Variants in NRP1 observed in about 807,000 individuals in gnomAD.
NRP1 encodes the protein neuropilin 1, also known as neuropilin-1.
In NRP1, 35 loss-of-function variants were observed where a neutral mutation model predicts 106.7. That is an observed-to-expected ratio of 0.33 (90% CI 0.25 to 0.43). NRP1 has a LOEUF of 0.43. NRP1 is among the 20% of genes least tolerant of loss of function. The pLI, the probability that NRP1 is intolerant of heterozygous loss-of-function variation, is 1.00. For missense variants in NRP1, 1,024 were observed against 1,170.4 expected (o/e 0.87, Z 1.83); for synonymous variants, 437 against 417.9 (o/e 1.05, Z -0.56).
intron 2 of NRP1, among the ~76,000 whole-genome samples, chr10:33,279,322 A>G (rs1843939029): frequency 6.6e-6 from 1 of 152,158 alleles, no homozygotes; most frequent in Non-Finnish European, 1.5e-5. Context: ...CTGCAGTCTC[A>G]TCCGAAGCTG....
intron 1 of NRP1, among the ~76,000 whole-genome samples, chr10:33,332,216 G>A (rs558821575): frequency 6.6e-6 from 1 of 152,292 alleles, no homozygotes; most frequent in South Asian, 2.1e-4. Flanking sequence ...TCCTTAGACT[G>A]GGGGTAGTCT....
chr10:33,206,090 A>G (rs1035154640), intron 10 of NRP1: 4 of 434,284 alleles, frequency 9.2e-6, no homozygotes, highest in Non-Finnish European at 1.4e-5. Flanking sequence ...TCTCATTACA[A>G]TTTTTGCAAG....
At chr10:33,203,517 ACT>A (rs1588714131) in intron 10 of NRP1, among the ~76,000 whole-genome samples, 1 of 152,086 alleles carries the variant, frequency 6.6e-6, no homozygotes, top group African/African-American at 2.4e-5. Flanking sequence ...AAACAAAAAA[ACT>A]AAAAAAACAG....
intron 2 of NRP1, among the ~76,000 whole-genome samples, chr10:33,311,137 G>A (rs745719040): frequency 6.6e-6 from 1 of 152,152 alleles, no homozygotes; most frequent in Non-Finnish European, 1.5e-5. Context: ...TGGAGAATAC[G>A]CATATGCTAG....
At chr10:33,330,644 C>A in intron 2 of NRP1, 64 bp downstream of exon 2, 2 of 1,428,690 alleles carry the variant, frequency 1.4e-6, no homozygotes, top group East Asian at 2.4e-5. Context: ...CGACTTCCCC[C>A]CCGTAGACAG....
chr10:33,246,115 A>G (rs1329355938), intron 6 of NRP1, among the ~76,000 whole-genome samples: 1 of 148,912 alleles, frequency 6.7e-6, no homozygotes, highest in Non-Finnish European at 1.5e-5. Flanking sequence ...TCAAAATCAT[A>G]TTGGTAATTT....
In NRP1 at chr10:33,179,986, C is replaced by T; in HGVS notation, c.*90G>A. Reference sequence around the variant, plus strand: ...GCTCAGTGGTCATCAACACACTTCCCAGCCTGTATAGTGAAAGATCAACAG... The same window carrying T: ...GCTCAGTGGTCATCAACACACTTCCTAGCCTGTATAGTGAAAGATCAACAG... On this transcript the variant is annotated 3_prime_UTR_variant, in exon 17 of 17. Coordinates refer to ENST00000374867, the MANE Select transcript of NRP1 (RefSeq NM_003873.7). 7.3e-7 allele frequency: 1 copy of T among 1,371,108 alleles called. No individual in the cohort carries two copies. The allele number at this position is 1,371,108 out of a possible 1,614,324, so 84.9% of individuals were successfully genotyped here.
At chr10:33,198,856 C>A (rs1225683825) in intron 11 of NRP1, among the ~76,000 whole-genome samples, 1 of 152,038 alleles carries the variant, frequency 6.6e-6, no homozygotes, top group African/African-American at 2.4e-5. Flanking sequence ...CAGGAAGCAG[C>A]AGGAAAAGGG....
At chr10:33,190,198 A>G (rs552519495) in intron 13 of NRP1, among the ~76,000 whole-genome samples, 2 of 152,328 alleles carry the variant, frequency 1.3e-5, no homozygotes, top group African/African-American at 4.8e-5. Flanking sequence ...TTACTTCTGC[A>G]AGCCTTTTAG....
chr10:33,300,276 C>A (rs558246683), intron 2 of NRP1, among the ~76,000 whole-genome samples: 1 of 152,188 alleles, frequency 6.6e-6, no homozygotes, highest in Non-Finnish European at 1.5e-5. Flanking sequence ...AAAATTTCTA[C>A]ACACTTCAAG....
Position 33,213,485 on chromosome 10 carries a change from G to A in NRP1, c.1515C>T (p.His505=), listed in dbSNP as rs761229180. The part of the protein sequence containing the change: ...VRGIIIQGGK[H]RENKVFMRKF... The stretch of plus-strand genomic sequence containing the variant: ...TCCTCATGAACACCTTGTTCTCTCG[G>A]TGCTTCCCACCCTGAATGATGATGC... Residue 505 remains histidine (H), a synonymous_variant, in exon 9 of 17, where the codon CAC becomes CAT. Transcript: ENST00000374867. The A allele has an allele frequency of 3.1e-6, 5 of 1,613,940 alleles. No individual in the cohort carries two copies. Among genetic ancestry groups the A allele is most frequent in the African/African-American group, 2.7e-5 (2 of 74,946 alleles).
intron 4 of NRP1, among the ~76,000 whole-genome samples, chr10:33,259,116 C>T (rs1287780000): frequency 6.6e-6 from 1 of 152,166 alleles, no homozygotes; most frequent in African/African-American, 2.4e-5. Flanking sequence ...CCACTATCAC[C>T]CAATTCCTTT....
Position 33,185,672 on chromosome 10 carries a change from T to C in NRP1, c.2387A>G (p.Asp796Gly). 1 of 1,614,130 alleles carries C rather than the reference T, an allele frequency of 6.2e-7. No homozygotes were observed. Among genetic ancestry groups the C allele is most frequent in the Non-Finnish European group, 8.5e-7 (1 of 1,179,972 alleles). Residue 796 changes from aspartate (D) to glycine (G), a missense_variant, in exon 15 of 17, where the codon GAT becomes GGT. Around this residue, in one of 5 missense-constraint regions of NRP1, gnomAD observed 164 missense variants for 161.4 expected, o/e 1.02. Transcript: ENST00000374867. ...GKGNLGGIAV[D>G]DISINNHISQ... ...AATGTGGTTATTAATACTAATGTCA[T>C]CCACAGCAATCCCACCAAGGTTTCC...
At chr10:33,213,302 A>G in intron 9 of NRP1, 84 bp downstream of exon 9, 1 of 1,614,098 alleles carries the variant, frequency 6.2e-7, no homozygotes, top group Non-Finnish European at 8.5e-7. Flanking sequence ...GGAAATAAGA[A>G]GCCCTTCCTC....
At chr10:33,250,815 C>T (rs1463530280) in intron 6 of NRP1, among the ~76,000 whole-genome samples, 1 of 152,132 alleles carries the variant, frequency 6.6e-6, no homozygotes, top group African/African-American at 2.4e-5. Flanking sequence ...ATTCTTTGGA[C>T]TTGATAAAGG....
At chr10:33,185,443 G>A (rs1374625049) in intron 15 of NRP1, among the ~76,000 whole-genome samples, 185 bp downstream of exon 15, 13 of 152,150 alleles carry the variant, frequency 8.5e-5, no homozygotes, top group Admixed American at 5.9e-4. Context: ...GGTAGGTGAC[G>A]GGGCAGACAC....
chr10:33,283,855 T>G (rs565183792), intron 2 of NRP1, among the ~76,000 whole-genome samples: 3 of 152,358 alleles, frequency 2.0e-5, no homozygotes, highest in South Asian at 2.1e-4. Context: ...TTTAACCATA[T>G]GACCACACAA....
intron 2 of NRP1, among the ~76,000 whole-genome samples, chr10:33,292,796 T>G (rs1210424187): frequency 6.6e-6 from 1 of 152,182 alleles, no homozygotes; most frequent in Admixed American, 6.5e-5. Flanking sequence ...GAGACCAGCC[T>G]GGCCAACATG....
At chr10:33,287,399 C>G (rs1844646763) in intron 2 of NRP1, among the ~76,000 whole-genome samples, 1 of 152,170 alleles carries the variant, frequency 6.6e-6, no homozygotes, top group Non-Finnish European at 1.5e-5. Context: ...TCATGATGCT[C>G]TGCAATTAAA....
Sources: allele counts gnomAD v4.1 joint callset (sites outside exome capture counted in the v4.1 genomes callset), GRCh38; gene constraint gnomAD v4.1.1; regional missense constraint gnomAD v4.1.1; transcripts MANE v1.5; gene names NCBI Gene and HGNC (gene_info 2026-07-23, HGNC 2026-07-21).